Variants in ITGA8 observed in about 807,000 individuals in gnomAD.
ITGA8 encodes integrin alpha-8.
ITGA8 carries 91 observed loss-of-function variants against 142.3 expected under a neutral mutation model. The ratio of observed to expected loss-of-function variants is 0.64; its 90% CI spans 0.54 to 0.76. The LOEUF (loss-of-function observed/expected upper bound fraction) is 0.76, where lower values mean the gene tolerates loss of function less well. Among genes scored for constraint, ITGA8 ranks in the 30% least tolerant of loss-of-function variants. The pLI, the probability that ITGA8 is intolerant of heterozygous loss-of-function variation, is 0.00. For synonymous variants in ITGA8, 505 were observed against 485.2 expected, an observed-to-expected ratio of 1.04 and a Z score of -0.54; for missense variants, 1,406 against 1,327.7, an observed-to-expected ratio of 1.06 and a Z score of -0.92.
intron 13 of ITGA8, among the ~76,000 whole-genome samples, chr10:15,622,608 A>AAACAAAACAAAAC (rs371112823): frequency 1.3e-4 from 19 of 151,286 alleles, no homozygotes; most frequent in Non-Finnish European, 2.2e-4. Context: ...AAAACAAAAA[A>AAACAAAACAAAAC]AAAACCACAT....
chr10:15,707,664 A>G (rs1444213774), intron 2 of ITGA8, among the ~76,000 whole-genome samples: 1 of 152,012 alleles, frequency 6.6e-6, no homozygotes, highest in East Asian at 1.9e-4. Flanking sequence ...TTCTACTAAA[A>G]ATACAAAAAT....
chr10:15,699,709 G>C (rs879625697), intron 2 of ITGA8, among the ~76,000 whole-genome samples: 20 of 152,118 alleles, frequency 1.3e-4, no homozygotes, highest in Non-Finnish European at 2.6e-4. Flanking sequence ...ACATTGCTGG[G>C]TCATAGAGAA....
intron 8 of ITGA8, among the ~76,000 whole-genome samples, chr10:15,669,188 T>A (rs1411443816): frequency 6.6e-6 from 1 of 152,228 alleles, no homozygotes; most frequent in African/African-American, 2.4e-5. Context: ...TTTCACATAG[T>A]CCCATATTTC....
intron 8 of ITGA8, among the ~76,000 whole-genome samples, chr10:15,668,797 A>G (rs1181170257): frequency 6.6e-6 from 1 of 152,192 alleles, no homozygotes; most frequent in Non-Finnish European, 1.5e-5. Context: ...TTGCCTGGAT[A>G]TGAGATTCTG....
At chr10:15,696,513 C>A (rs7086596) in intron 2 of ITGA8, among the ~76,000 whole-genome samples, 108,182 of 151,956 alleles carry the variant, frequency 0.71, 39,832 homozygotes, top group East Asian at 0.84. Context: ...AGAGAGACAA[C>A]CTGAGCCTCA....
intron 10 of ITGA8, among the ~76,000 whole-genome samples, chr10:15,656,665 TC>T (rs1834191382): frequency 6.6e-6 from 1 of 152,114 alleles, no homozygotes; most frequent in African/African-American, 2.4e-5. Context: ...ACCTGGCCTC[TC>T]CCCATTTTAT....
chr10:15,685,906 G>A (rs769956283), intron 3 of ITGA8, among the ~76,000 whole-genome samples: 10 of 152,254 alleles, frequency 6.6e-5, no homozygotes, highest in East Asian at 3.9e-4. Flanking sequence ...AGAAATCCTC[G>A]TCAAGTAAAT....
intron 2 of ITGA8, among the ~76,000 whole-genome samples, chr10:15,695,379 T>C (rs1387605960): frequency 6.6e-6 from 1 of 152,220 alleles, no homozygotes; most frequent in Non-Finnish European, 1.5e-5. Flanking sequence ...TATCTGACTT[T>C]GAACCTAACA....
chr10:15,576,082 A>G (rs1834290694), intron 23 of ITGA8, among the ~76,000 whole-genome samples: 2 of 152,102 alleles, frequency 1.3e-5, no homozygotes, highest in South Asian at 4.1e-4. Flanking sequence ...TTAAATGTCC[A>G]GTTATGAAGA....
intron 3 of ITGA8, among the ~76,000 whole-genome samples, chr10:15,685,186 C>A: frequency 6.6e-6 from 1 of 152,192 alleles, no homozygotes; most frequent in South Asian, 2.1e-4. Context: ...AAGTCTCTGG[C>A]CCTCCTTGTT....
chr10:15,695,553 G>C (rs1485030794), intron 2 of ITGA8, among the ~76,000 whole-genome samples: 1 of 152,184 alleles, frequency 6.6e-6, no homozygotes, highest in Non-Finnish European at 1.5e-5. Flanking sequence ...ATGAAACTAT[G>C]ATGCATGGAG....
intron 14 of ITGA8, among the ~76,000 whole-genome samples, chr10:15,614,538 A>G (rs943748343): frequency 2.0e-5 from 3 of 152,222 alleles, no homozygotes; most frequent in African/African-American, 4.8e-5. Context: ...AGTAAACTCA[A>G]TTGCAGCCAC....
At chr10:15,654,730 T>C (rs965009417) in intron 11 of ITGA8, among the ~76,000 whole-genome samples, 1 of 152,224 alleles carries the variant, frequency 6.6e-6, no homozygotes, top group Non-Finnish European at 1.5e-5. Context: ...GATCCAATAA[T>C]ATTTTTGGGT....
At chr10:15,669,593 C>T (rs921454194) in intron 8 of ITGA8, among the ~76,000 whole-genome samples, 2 of 152,310 alleles carry the variant, frequency 1.3e-5, no homozygotes, top group Admixed American at 6.5e-5. Flanking sequence ...AGGAGAGGTG[C>T]TCTGATTTTT....
intron 8 of ITGA8, among the ~76,000 whole-genome samples, chr10:15,670,042 A>G (rs1834481218): frequency 6.6e-6 from 1 of 152,096 alleles, no homozygotes; most frequent in African/African-American, 2.4e-5. Flanking sequence ...TTCAAAGCTC[A>G]GTTGGAAATG....
chr10:15,700,577 T>C (rs558485750), intron 2 of ITGA8, among the ~76,000 whole-genome samples: 14 of 152,192 alleles, frequency 9.2e-5, no homozygotes, highest in Middle Eastern at 3.4e-3. Flanking sequence ...GGGACTTAAT[T>C]AAACTGAAAA....
chr10:15,713,808 C>T (rs879554295), intron 2 of ITGA8, among the ~76,000 whole-genome samples: 1 of 152,208 alleles, frequency 6.6e-6, no homozygotes, highest in Non-Finnish European at 1.5e-5. Flanking sequence ...TCATCCAGAA[C>T]TTTGAAATAT....
intron 28 of ITGA8, among the ~76,000 whole-genome samples, chr10:15,522,075 A>G (rs537950826): frequency 3.3e-5 from 5 of 152,322 alleles, no homozygotes; most frequent in Admixed American, 1.3e-4. Flanking sequence ...ATCTATTTCA[A>G]AATAGCCAGA....
intron 20 of ITGA8, 59 bp downstream of exon 20, chr10:15,604,149 A>G: frequency 6.6e-7 from 1 of 1,508,958 alleles, no homozygotes; most frequent in Non-Finnish European, 9.0e-7. Flanking sequence ...CCTTCTTAAC[A>G]TTTACTTGAC....
Sources: gnomAD v4.1 joint callset for allele counts (sites outside exome capture counted in the v4.1 genomes callset) on GRCh38, gnomAD v4.1.1 for gene constraint, MANE v1.5 for transcripts, NCBI Gene and HGNC (gene_info 2026-07-23, HGNC 2026-07-21) for gene names.